The following SPNS2 variants were observed in gnomAD, a reference collection of about 807,000 sequenced individuals.
The protein encoded by SPNS2 is SPNS lysolipid transporter 2, sphingosine-1-phosphate.
SPNS2 carries 37 observed loss-of-function variants against 57.6 expected under a neutral mutation model. The ratio of observed to expected loss-of-function variants is 0.64; its 90% CI spans 0.49 to 0.85. The LOEUF (loss-of-function observed/expected upper bound fraction) is 0.85. Among genes scored for constraint, SPNS2 ranks in the 40% least tolerant of loss-of-function variants. SPNS2 has a pLI of 0.00. For synonymous variants in SPNS2, 440 were observed against 346.9 expected (o/e 1.27, Z -2.98); for missense variants, 831 against 779.1 (o/e 1.07, Z -0.79).
intron 12 of SPNS2, 61 bp downstream of exon 12, chr17:4,537,007 G>A (rs947054184): frequency 6.4e-7 from 1 of 1,567,682 alleles, no homozygotes; most frequent in South Asian, 1.1e-5. Flanking sequence ...CCAGGGTTAG[G>A]CAACAGGGAG....
chr17:4,535,600 C>T (rs1377687074), intron 9 of SPNS2, among the ~76,000 whole-genome samples: 1 of 151,770 alleles, frequency 6.6e-6, no homozygotes, highest in Non-Finnish European at 1.5e-5. Context: ...TCGGGTACTC[C>T]GAGGCTCGGA....
chr17:4,526,563 A>G (rs1905267188), intron 3 of SPNS2, among the ~76,000 whole-genome samples: 1 of 151,902 alleles, frequency 6.6e-6, no homozygotes, highest in Non-Finnish European at 1.5e-5. Context: ...AGATCGCACC[A>G]CTGCACTCCA....
chr17:4,502,409 C>T (rs902841887), intron 1 of SPNS2, among the ~76,000 whole-genome samples: 1 of 151,658 alleles, frequency 6.6e-6, no homozygotes, highest in Non-Finnish European at 1.5e-5. Flanking sequence ...TACACACACA[C>T]ACATATGTAT....
At chr17:4,516,316 C>CAAAAAAAAAAAAAAAAAAAAAAAAAAAA (rs67710825) in intron 2 of SPNS2, among the ~76,000 whole-genome samples, 2 of 67,496 alleles carry the variant, frequency 3.0e-5, no homozygotes, top group African/African-American at 1.5e-4. Flanking sequence ...TCTATCTCCC[C>CAAAAAAAAAAAAAAAAAAAAAAAAAAAA]AAAAAAAAAA....
chr17:4,523,024 A>G (rs561231043), intron 2 of SPNS2, among the ~76,000 whole-genome samples: 1 of 152,156 alleles, frequency 6.6e-6, no homozygotes, highest in African/African-American at 2.4e-5. Context: ...CTCCTCCAAC[A>G]TGCTAAGTAA....
intron 12 of SPNS2, 120 bp downstream of exon 12, chr17:4,537,066 T>A: frequency 9.0e-7 from 1 of 1,109,056 alleles, no homozygotes; most frequent in East Asian, 2.4e-5. Flanking sequence ...CCACCAACTC[T>A]GGGCTTTGTC....
In SPNS2 at chr17:4,517,656, CA is replaced by C. The variant is rs534548132; in HGVS notation, c.436+4355del. 1.3e-3 allele frequency among the ~76,000 whole-genome samples: 189 copies of C among 146,422 alleles called. 1 individual carries two copies. The highest frequency in any genetic ancestry group is 7.1e-3 in the Middle Eastern group (2 of 280). ...GGGTAACAAGACCAAGACTCCGTCT[CA>C]AAAAAAAAAATTAATAGAGCATACA... On this transcript the variant is annotated intron_variant, in intron 2 of 12. Transcript: ENST00000329078.
At chr17:4,527,222 G>T (rs1366663423) in intron 3 of SPNS2, among the ~76,000 whole-genome samples, 1 of 152,232 alleles carries the variant, frequency 6.6e-6, no homozygotes, top group Non-Finnish European at 1.5e-5. Flanking sequence ...ATTTGGCAGA[G>T]AAAATGCCCA....
rs375666029 is a variant in SPNS2 at position 4,507,685 on chromosome 17, C to G, written c.371-5562C>G. 7.2e-5 allele frequency among the ~76,000 whole-genome samples: 11 copies of G among 152,372 alleles called. No homozygotes were observed. The East Asian group carries it at 2.1e-3, about 29-fold the overall frequency. On this transcript the variant is annotated intron_variant, in intron 1 of 12. Coordinates refer to ENST00000329078, the MANE Select transcript of SPNS2 (RefSeq NM_001124758.3). The stretch of plus-strand genomic sequence containing the variant: ...CCATGCTCTTGAGAATTTAGCTAAG[C>G]CACCTGCTGCTCTGAGACAGGCTCA...
chr17:4,536,028 G>A lies in SPNS2; in HGVS notation c.1345-48G>A, dbSNP rs375243671. Reference sequence around the variant, plus strand: ...CCACGGCCCGGGGCCAGGGCCAAGCGCGTGAGCCTTTCTCCTCTGGCCGCT... The same window carrying A: ...CCACGGCCCGGGGCCAGGGCCAAGCACGTGAGCCTTTCTCCTCTGGCCGCT... On this transcript the variant is annotated intron_variant, in intron 9 of 12. Transcript: ENST00000329078. 2.8e-4 allele frequency: 429 copies of A among 1,555,648 alleles called. 1 individual carries two copies. The highest frequency in any genetic ancestry group is 4.2e-4 in the Middle Eastern group (2 of 4,796).
intron 1 of SPNS2, among the ~76,000 whole-genome samples, chr17:4,501,051 T>C (rs1327585074): frequency 3.3e-5 from 5 of 152,164 alleles, no homozygotes; most frequent in Admixed American, 6.5e-5. Context: ...CTGGGACCTG[T>C]AGTCAGTTCA....
In SPNS2 at chr17:4,533,110, C is replaced by T. The variant is rs755120993; in HGVS notation, c.1069C>T (p.Pro357Ser). ...QKTAETCNSPPCGAKDSLIFG... is the reference protein window; with the variant it reads ...QKTAETCNSPSCGAKDSLIFG... ...GACAGCAGAGACGTGCAACAGCCCGCCCTGTGGGGCCAAGGACAGGTGGGG... is the reference window on the plus strand; with the variant it reads ...GACAGCAGAGACGTGCAACAGCCCGTCCTGTGGGGCCAAGGACAGGTGGGG... The change falls in exon 7 of 13, where the codon CCC becomes TCC. Residue 357 changes from proline (P) to serine (S), a missense_variant. This residue lies in a region of SPNS2 where 526 missense variants were observed against 400.9 expected (regional missense o/e 1.31). Coordinates refer to ENST00000329078, the MANE Select transcript of SPNS2 (RefSeq NM_001124758.3). The T allele has an allele frequency of 6.2e-7, 1 of 1,611,354 alleles. No homozygotes were observed. The highest frequency in any genetic ancestry group is 8.5e-7 in the Non-Finnish European group (1 of 1,178,916).
rs372909694 is a variant in SPNS2, at chr17:4,536,352, C to T, written c.1533C>T (p.Val511=). The T allele has an allele frequency of 1.2e-4, 190 of 1,610,952 alleles. No individual in the cohort carries two copies. The highest frequency in any genetic ancestry group is 1.4e-4 in the Non-Finnish European group (161 of 1,179,906). The change falls in exon 11 of 13, where the codon GTC becomes GTT. Residue 511 remains valine, a synonymous_variant. Transcript: ENST00000329078. The part of the protein sequence containing the change: ...LGYALMLCPF[V]VVLGGMFFLA... ...ACGCGCTCATGCTCTGCCCTTTCGT[C>T]GTGGTCCTGGGCGGCATGTTCTTCC...
chr17:4,532,773 T>C lies in SPNS2; in HGVS notation c.935+89T>C, dbSNP rs1905552488. 4.0e-6 allele frequency: 6 copies of C among 1,509,716 alleles called. No individual in the cohort carries two copies. The East Asian group carries it at 1.4e-4, about 34-fold the overall frequency. The allele number at this position is 1,509,716 out of a possible 1,614,324, so 93.5% of individuals were successfully genotyped here. On this transcript the variant is annotated intron_variant, in intron 6 of 12. Transcript: ENST00000329078. ...CCTGCAGGGCAGCCCACTAGCACCC[T>C]CAGCCAGACACCCCACCTCTGCTGT...
chr17:4,514,722 T>C (rs576873480), intron 2 of SPNS2, among the ~76,000 whole-genome samples: 67 of 152,328 alleles, frequency 4.4e-4, no homozygotes, highest in African/African-American at 1.3e-3. Flanking sequence ...CCAGAATAAG[T>C]CTGCCTGCCC....
Position 4,537,894 on chromosome 17 carries a change from C to G in SPNS2, c.*446C>G, listed in dbSNP as rs369758636. The G allele has an allele frequency of 1.2e-5, 5 of 425,338 alleles. No individual in the cohort carries two copies. The Admixed American group carries it at 1.3e-4, about 11-fold the overall frequency. 26.3% of individuals were successfully genotyped at this position (425,338 alleles called of 1,614,324 possible). ...AAGACTCAACAGACCCTGGACCATA[C>G]GGAGAGCAGGTGGCCCAGGCCTCAG... On this transcript the variant is annotated 3_prime_UTR_variant, in exon 13 of 13. Coordinates refer to ENST00000329078, the MANE Select transcript of SPNS2 (RefSeq NM_001124758.3).
intron 2 of SPNS2, among the ~76,000 whole-genome samples, chr17:4,522,837 AAGG>A (rs2144343206): frequency 6.6e-6 from 1 of 152,310 alleles, no homozygotes; most frequent in African/African-American, 2.4e-5. Flanking sequence ...TGGGACCTCC[AAGG>A]CCCCTCCCAT....
rs192610627 is a variant in SPNS2, at chr17:4,537,932, G to A, written c.*484G>A. 38 of 388,192 alleles carry A rather than the reference G, an allele frequency of 9.8e-5. No individual in the cohort carries two copies. The highest frequency in any genetic ancestry group is 6.7e-4 in the African/African-American group (32 of 48,048). The allele number at this position is 388,192 out of a possible 1,614,324, so 24.0% of individuals were successfully genotyped here. On this transcript the variant is annotated 3_prime_UTR_variant, in exon 13 of 13. Coordinates refer to ENST00000329078, the MANE Select transcript of SPNS2 (RefSeq NM_001124758.3). ...GCCCAGGCCTCAGGGCGGCAGTCCCGGCTTTGAGGCTCACGCGAGGGCCTG... is the reference window on the plus strand; with the variant it reads ...GCCCAGGCCTCAGGGCGGCAGTCCCAGCTTTGAGGCTCACGCGAGGGCCTG...
chr17:4,533,934 G>A, intron 9 of SPNS2, 81 bp downstream of exon 9: 1 of 806,078 alleles, frequency 1.2e-6, no homozygotes, highest in Non-Finnish European at 2.1e-6. Flanking sequence ...GAGGGCGGGT[G>A]AAGGGGCGGG....
Sources: gnomAD v4.1 joint callset for allele counts (sites outside exome capture counted in the v4.1 genomes callset) on GRCh38, gnomAD v4.1.1 for gene constraint, gnomAD v4.1.1 regional missense constraint, MANE v1.5 for transcripts, NCBI Gene and HGNC (gene_info 2026-07-23, HGNC 2026-07-21) for gene names.